CBL: variants seen among roughly 807,000 people sequenced by gnomAD.
The protein encoded by CBL is Cbl proto-oncogene.
CBL carries 45 observed loss-of-function variants against 96.9 expected under a neutral mutation model. The observed-to-expected ratio is 0.46, with a 90% CI of 0.37 to 0.60. The LOEUF (loss-of-function observed/expected upper bound fraction) is 0.60. Among genes scored for constraint, CBL ranks in the 20% least tolerant of loss-of-function variants. The pLI, the probability that CBL is intolerant of heterozygous loss-of-function variation, is 0.00. For synonymous variants in CBL, 420 were observed against 426.8 expected, an observed-to-expected ratio of 0.98 and a Z score of 0.20; for missense variants, 1,024 against 1,143.5, an observed-to-expected ratio of 0.90 and a Z score of 1.51.
At position 119,264,388 on chromosome 11, in the gene CBL, T is replaced by TTTCTTTTCTC. The variant is rs1555228856; in HGVS notation, c.444-7343_444-7342insTTTCTCTTCT. Among the ~76,000 whole-genome samples, 16 of 133,850 alleles carry TTTCTTTTCTC rather than the reference T, an allele frequency of 1.2e-4. 1 individual carries two copies. The South Asian group carries it at 3.3e-3, about 27-fold the overall frequency. The allele number at this position is 133,850 out of a possible 152,430, so 87.8% of individuals were successfully genotyped here. The stretch of plus-strand genomic sequence containing the variant: ...TCTTTTATTATGATCTTTCTTTTCT[T>TTTCTTTTCTC]TTCTCTTCTCTTCTCTTCTCTTCTC... On this transcript the variant is annotated intron_variant, in intron 2 of 15. Transcript: ENST00000264033.
rs1950134042 is a variant in CBL at position 119,305,790 on chromosome 11, A to G, written c.*6009A>G. On this transcript the variant is annotated 3_prime_UTR_variant, in exon 16 of 16. Transcript: ENST00000264033. Reference sequence around the variant, plus strand: ...TTTAAAACTATGCTTTTGCTTGCCTAAATCTTTTGATCTTATATTTCTCTC... The same window carrying G: ...TTTAAAACTATGCTTTTGCTTGCCTGAATCTTTTGATCTTATATTTCTCTC... 2 of 229,114 alleles carry G rather than the reference A, an allele frequency of 8.7e-6. No individual in the cohort carries two copies. Among genetic ancestry groups the G allele is most frequent in the South Asian group, 1.8e-4 (1 of 5,502 alleles). 14.2% of individuals were successfully genotyped at this position (229,114 alleles called of 1,614,324 possible). A position where few individuals can be genotyped will look rare whatever the true frequency, so the allele number is the denominator to read the frequency against.
intron 2 of CBL, among the ~76,000 whole-genome samples, chr11:119,262,942 A>T (rs1949765229): frequency 6.6e-6 from 1 of 152,216 alleles, no homozygotes; most frequent in Non-Finnish European, 1.5e-5. Context: ...AATTTCATAG[A>T]CCTATGCTGC....
intron 2 of CBL, among the ~76,000 whole-genome samples, chr11:119,257,946 G>A (rs1490582968): frequency 6.6e-6 from 1 of 152,106 alleles, no homozygotes; most frequent in Non-Finnish European, 1.5e-5. Context: ...AATACTTGTG[G>A]CCGGGTGCTG....
intron 2 of CBL, among the ~76,000 whole-genome samples, chr11:119,265,546 T>C (rs1949795388): frequency 6.6e-6 from 1 of 151,958 alleles, no homozygotes; most frequent in Admixed American, 6.6e-5. Flanking sequence ...AGCCCAGGAG[T>C]TGGAGACCAG....
intron 1 of CBL, among the ~76,000 whole-genome samples, chr11:119,215,995 A>C (rs1372573152): frequency 6.6e-6 from 1 of 152,216 alleles, no homozygotes. Context: ...AGCTTCCGCA[A>C]GGAGGGAGAG....
At chr11:119,257,488 G>T (rs1033895608) in intron 2 of CBL, among the ~76,000 whole-genome samples, 8 of 152,136 alleles carry the variant, frequency 5.3e-5, no homozygotes, top group South Asian at 2.1e-4. Context: ...GCTGATTTGA[G>T]TTCCTCATAG....
chr11:119,261,983 A>T (rs1258737189), intron 2 of CBL, among the ~76,000 whole-genome samples: 1 of 152,236 alleles, frequency 6.6e-6, no homozygotes, highest in Non-Finnish European at 1.5e-5. Flanking sequence ...TAAAAAAGAT[A>T]TAAGAAAGAA....
chr11:119,300,703 T>C lies in CBL; in HGVS notation c.*922T>C, dbSNP rs1256365434. 1.3e-5 allele frequency: 5 copies of C among 397,076 alleles called. No individual in the cohort carries two copies. Among genetic ancestry groups the C allele is most frequent in the African/African-American group, 8.2e-5 (4 of 48,608 alleles). The allele number at this position is 397,076 out of a possible 1,614,324, so 24.6% of individuals were successfully genotyped here. ...GATAGAGGCCTTTAAATACATTCCATGCCCTCCCCAGAAAATAGTCTGTGG... is the reference window on the plus strand; with the variant it reads ...GATAGAGGCCTTTAAATACATTCCACGCCCTCCCCAGAAAATAGTCTGTGG... On this transcript the variant is annotated 3_prime_UTR_variant, in exon 16 of 16. Transcript: ENST00000264033.
chr11:119,238,332 C>T (rs1048519326), intron 2 of CBL, among the ~76,000 whole-genome samples: 8 of 152,056 alleles, frequency 5.3e-5, no homozygotes, highest in South Asian at 2.1e-4. Flanking sequence ...GCCTCAGCCT[C>T]CTGAGTAGCT....
Position 119,206,563 on chromosome 11 carries a change from G to T in CBL, c.146G>T (p.Gly49Val). The T allele has an allele frequency of 6.5e-7, 1 of 1,549,830 alleles. No individual in the cohort carries two copies. The highest frequency in any genetic ancestry group is 8.7e-7 in the Non-Finnish European group (1 of 1,146,764). Reference sequence around the variant, plus strand: ...CACCACCTCAGCCCCCACCCGCCGGGGACGGTGGACAAGAAGATGGTGGAG... The same window carrying T: ...CACCACCTCAGCCCCCACCCGCCGGTGACGGTGGACAAGAAGATGGTGGAG... Reference protein sequence around the residue: ...HHHHLSPHPPGTVDKKMVEKC... With the variant: ...HHHHLSPHPPVTVDKKMVEKC... Residue 49 changes from glycine (G) to valine (V), a missense_variant, in exon 1 of 16, where the codon GGG (glycine) becomes GTG (valine). Gly to Val is a moderately radical substitution (Grantham distance 109, BLOSUM62 -3). Transcript: ENST00000264033.
At chr11:119,269,748 C>A (rs1949828997) in intron 2 of CBL, among the ~76,000 whole-genome samples, 1 of 152,104 alleles carries the variant, frequency 6.6e-6, no homozygotes, top group Non-Finnish European at 1.5e-5. Context: ...GTAATCCCAG[C>A]ACTTTGGGAG....
chr11:119,297,243 CACAT>C, intron 13 of CBL, 137 bp from the exon 14 acceptor site: 1 of 782,666 alleles, frequency 1.3e-6, no homozygotes, highest in Non-Finnish European at 2.2e-6. Flanking sequence ...ACCTCAAAAA[CACAT>C]ACACCTATAA....
intron 12 of CBL, among the ~76,000 whole-genome samples, chr11:119,291,902 G>T (rs1324935493): frequency 6.6e-6 from 1 of 151,950 alleles, no homozygotes; most frequent in African/African-American, 2.4e-5. Flanking sequence ...TGTCACCCAG[G>T]CTGGAATGCA....
At chr11:119,215,473 G>C (rs1205539790) in intron 1 of CBL, among the ~76,000 whole-genome samples, 2 of 150,614 alleles carry the variant, frequency 1.3e-5, no homozygotes, top group Non-Finnish European at 2.9e-5. Flanking sequence ...TGTTGCCCAG[G>C]CTGACCAACA....
At chr11:119,261,982 TATAAG>T (rs1224900547) in intron 2 of CBL, among the ~76,000 whole-genome samples, 2 of 152,178 alleles carry the variant, frequency 1.3e-5, no homozygotes, top group South Asian at 2.1e-4. Context: ...TTAAAAAAGA[TATAAG>T]AAAGAAGGTG....
In CBL at chr11:119,285,482, A is replaced by T; in HGVS notation, c.1857A>T (p.Ser619=). The change falls in exon 11 of 16, where the codon TCA becomes TCT. Residue 619 remains serine, a synonymous_variant. Coordinates refer to ENST00000264033, the MANE Select transcript of CBL (RefSeq NM_005188.4). ...WTGRELTNRH[S]LPFSLPSQME... ...GAAGAGAATTAACCAACCGGCACTC[A>T]CTTCCATTTTCATTGCCCTCACAAA... 6.2e-7 allele frequency: 1 copy of T among 1,614,152 alleles called. No individual in the cohort carries two copies. Among genetic ancestry groups the T allele is most frequent in the Non-Finnish European group, 8.5e-7 (1 of 1,180,006 alleles).
rs376517198 is a variant in CBL at position 119,246,924 on chromosome 11, C to T, written c.443+14229C>T. Among the ~76,000 whole-genome samples, 10 of 152,206 alleles carry T rather than the reference C, an allele frequency of 6.6e-5. 1 individual carries two copies. Among genetic ancestry groups the T allele is most frequent in the African/African-American group, 2.4e-4 (10 of 41,520 alleles). ...GATTGACTAGGTTATAGAGATTTTT[C>T]CATATATTGATATATATCAAAACAT... is the stretch of plus-strand genomic sequence containing the variant. On this transcript the variant is annotated intron_variant, in intron 2 of 15. Transcript: ENST00000264033.
At chr11:119,268,447 C>T (rs1316015753) in intron 2 of CBL, among the ~76,000 whole-genome samples, 1 of 152,080 alleles carries the variant, frequency 6.6e-6, no homozygotes, top group Non-Finnish European at 1.5e-5. Context: ...ATGGTGTTGT[C>T]ATTAAATACA....
intron 2 of CBL, among the ~76,000 whole-genome samples, chr11:119,241,854 A>G (rs1465090763): frequency 6.6e-6 from 1 of 152,038 alleles, no homozygotes; most frequent in Non-Finnish European, 1.5e-5. Context: ...GTAGAGATGG[A>G]AAGAAGTGGG....
Sources: allele counts gnomAD v4.1 joint callset (sites outside exome capture counted in the v4.1 genomes callset), GRCh38; gene constraint gnomAD v4.1.1; transcripts MANE v1.5; gene names NCBI Gene and HGNC (gene_info 2026-07-23, HGNC 2026-07-21).